The following ESRP2 variants were observed in gnomAD, a reference collection of about 807,000 sequenced individuals.
The protein encoded by ESRP2 is RNA binding motif protein 35A.
ESRP2 carries 48 observed loss-of-function variants against 78.6 expected under a neutral mutation model. That is an observed-to-expected ratio of 0.61 (90% CI 0.48 to 0.78). The LOEUF (loss-of-function observed/expected upper bound fraction) is 0.78. Ranked by LOEUF, ESRP2 falls within the 30% of genes least tolerant of loss-of-function variation. The pLI is 0.00. For missense variants in ESRP2, 863 were observed against 965.9 expected (o/e 0.89, Z 1.41); for synonymous variants, 383 against 406.7 (o/e 0.94, Z 0.70).
intron 5 of ESRP2, 35 bp downstream of exon 5, chr16:68,233,292 T>C: frequency 6.8e-7 from 1 of 1,468,130 alleles, no homozygotes; most frequent in Non-Finnish European, 9.6e-7. Context: ...TTGTCATCCC[T>C]GAGAACAGGT....
rs934245575 is a variant in ESRP2 at position 68,231,933 on chromosome 16, G to A, written c.1168C>T (p.Arg390Trp). The part of the protein sequence containing the change: ...GLLFVRHPDG[R>W]PTGDAFALFA... ...AGGGCGAAGGCATCACCAGTCGGCC[G>A]GCCATCAGGATGGCGCACAAAGAGC... Residue 390 changes from arginine (R) to tryptophan (W), a missense_variant, in exon 10 of 15, where the codon CGG becomes TGG. By Grantham distance (101) the Arg-to-Trp change is moderately radical. Transcript: ENST00000473183. The surrounding 1 kb of genome is among the most constrained non-coding windows in gnomAD (Gnocchi z 6.0). 3 of 1,614,026 alleles carry A rather than the reference G, an allele frequency of 1.9e-6. No homozygotes were observed. Among genetic ancestry groups the A allele is most frequent in the East Asian group, 2.2e-5 (1 of 44,872 alleles).
rs773515948 is a variant in ESRP2 at position 68,231,426 on chromosome 16, C to A, written c.1513-50G>T. ...TTTGTCATGTGTAAGAGTGCCTTAC[C>A]CCTAACACACACCCCTTCCTATTTA... On this transcript the variant is annotated intron_variant, in intron 11 of 14. Coordinates refer to ENST00000473183, the MANE Select transcript of ESRP2 (RefSeq NM_024939.3). This position sits in a 1 kb window ranked among gnomAD's most constrained non-coding sequence, Gnocchi z 6.0. 73 of 1,613,360 alleles carry A rather than the reference C, an allele frequency of 4.5e-5. No homozygotes were observed. Among genetic ancestry groups the A allele is most frequent in the Non-Finnish European group, 6.2e-5 (73 of 1,179,532 alleles).
Position 68,232,114 on chromosome 16 carries a change from G to A in ESRP2, c.998-11C>T. The A allele has an allele frequency of 6.2e-7, 1 of 1,610,826 alleles. No individual in the cohort carries two copies. Among genetic ancestry groups the A allele is most frequent in the Admixed American group, 1.7e-5 (1 of 59,866 alleles). The stretch of plus-strand genomic sequence containing the variant: ...CCTCTAGTGATGTGCCTGTGTATGA[G>A]AGTCGCCTGCTGACTTCACTCATGC... On this transcript the variant is annotated splice_polypyrimidine_tract_variant and intron_variant, in intron 9 of 14. Transcript: ENST00000473183. The surrounding 1 kb of genome is among the most constrained non-coding windows in gnomAD (Gnocchi z 5.2).
chr16:68,232,151 C>G lies in ESRP2; in HGVS notation c.998-48G>C, dbSNP rs1294466025. On this transcript the variant is annotated intron_variant, in intron 9 of 14. Coordinates refer to ENST00000473183, the MANE Select transcript of ESRP2 (RefSeq NM_024939.3). The surrounding 1 kb of genome is among the most constrained non-coding windows in gnomAD (Gnocchi z 5.2). ...GACTTCACTCATGCTCCTCCAGACA[C>G]TCACCCATGCAGGGGAGCAGGCAGG... 1 of 1,611,890 alleles carries G rather than the reference C, an allele frequency of 6.2e-7. No individual in the cohort carries two copies. Among genetic ancestry groups the G allele is most frequent in the South Asian group, 1.1e-5 (1 of 90,852 alleles).
intron 13 of ESRP2, 50 bp from the exon 14 acceptor site, chr16:68,230,604 AC>A: frequency 1.3e-6 from 2 of 1,519,164 alleles, no homozygotes; most frequent in South Asian, 2.6e-5. Flanking sequence ...TGTGGCCTAG[AC>A]CGAGACCTGT....
In ESRP2 at chr16:68,235,242, G is replaced by A; in HGVS notation, c.327+392C>T. The A allele has an allele frequency of 1.0e-6, 1 of 985,384 alleles. No homozygotes were observed. The highest frequency in any genetic ancestry group is 4.7e-5 in the South Asian group (1 of 21,286). 61.0% of individuals were successfully genotyped at this position (985,384 alleles called of 1,614,324 possible). A position where few individuals can be genotyped will look rare whatever the true frequency, so the allele number is the denominator to read the frequency against. ...CAGCTCCCAAGCAGGCCGAAGACGCGGGCCGCAAGGACAGGTGACCTATAT... is the reference window on the plus strand; with the variant it reads ...CAGCTCCCAAGCAGGCCGAAGACGCAGGCCGCAAGGACAGGTGACCTATAT... On this transcript the variant is annotated intron_variant, in intron 2 of 14. Transcript: ENST00000473183. This position sits in a 1 kb window ranked among gnomAD's most constrained non-coding sequence, Gnocchi z 5.5.
At position 68,232,507 on chromosome 16, in the gene ESRP2, T is replaced by G; in HGVS notation, c.822-4A>C. On this transcript the variant is annotated splice_polypyrimidine_tract_variant and splice_region_variant and intron_variant, in intron 7 of 14. Transcript: ENST00000473183. The surrounding 1 kb of genome is among the most constrained non-coding windows in gnomAD (Gnocchi z 5.2). ...GAGGCAGAGTGCTACACCACCCCTGTGGAGCCAGTGCTGTTAGTGCCTCCT... is the reference window on the plus strand; with the variant it reads ...GAGGCAGAGTGCTACACCACCCCTGGGGAGCCAGTGCTGTTAGTGCCTCCT... 6.2e-7 allele frequency: 1 copy of G among 1,614,136 alleles called. No homozygotes were observed. The highest frequency in any genetic ancestry group is 8.5e-7 in the Non-Finnish European group (1 of 1,180,000).
chr16:68,230,229 C>G lies in ESRP2; in HGVS notation c.2151G>C (p.Leu717Phe). ...TCTTACCTCCTGGCTTTCTCTCCTA[C>G]AAACACACCCATTCCTTGGGGGCTT... ...VLQAPKEWVC[L>F] The change falls in exon 15 of 15, where the codon TTG (leucine) becomes TTC (phenylalanine). Residue 717 changes from leucine (L) to phenylalanine (F), a missense_variant. Leu to Phe is a conservative substitution (Grantham distance 22). Coordinates refer to ENST00000473183, the MANE Select transcript of ESRP2 (RefSeq NM_024939.3). 6.2e-7 allele frequency: 1 copy of G among 1,614,148 alleles called. No homozygotes were observed. The highest frequency in any genetic ancestry group is 1.3e-5 in the African/African-American group (1 of 75,046).
At chr16:68,233,252 A>G in intron 5 of ESRP2, 75 bp downstream of exon 5, 1 of 1,016,666 alleles carries the variant, frequency 9.8e-7, no homozygotes, top group Non-Finnish European at 1.6e-6. Flanking sequence ...TCTCTTAGAG[A>G]AGGTCACAGT....
intron 13 of ESRP2, 55 bp downstream of exon 13, chr16:68,230,786 T>C (rs1330333814): frequency 1.2e-6 from 2 of 1,602,594 alleles, no homozygotes; most frequent in African/African-American, 2.7e-5. Context: ...ATCGTGACCT[T>C]TCCCCAGATT....
chr16:68,231,605 C>G lies in ESRP2; in HGVS notation c.1389G>C (p.Gly463=). Residue 463 remains glycine, a synonymous_variant, in exon 11 of 15, where the codon GGG becomes GGC. Transcript: ENST00000473183. This position sits in a 1 kb window ranked among gnomAD's most constrained non-coding sequence, Gnocchi z 6.0. ...PIPFPLAPGT[G]RDCVRLRGLP... is the part of the protein sequence containing the mutation. ...GGCCTCGGAGGCGTACACAGTCCCT[C>G]CCAGTCCCAGGTGCCAGTGGGAAGG... 6.2e-7 allele frequency: 1 copy of G among 1,614,072 alleles called. No homozygotes were observed. Among genetic ancestry groups the G allele is most frequent in the African/African-American group, 1.3e-5 (1 of 75,018 alleles).
In ESRP2 at chr16:68,235,634, C is replaced by G. The variant is rs766420891; in HGVS notation, c.327G>C (p.Gln109His). ...TGCCGCCACCCACCCCGGCGCTCAC[C>G]TGCTGCAGCACCTTGTCCAGCGGCT... ...RAEPLDKVLQQFSQLVNGDVA... is the reference protein window; with the variant it reads ...RAEPLDKVLQHFSQLVNGDVA... Residue 109 changes from glutamine (Q) to histidine (H), a missense_variant and splice_region_variant, in exon 2 of 15, where the codon CAG (glutamine) becomes CAC (histidine). Coordinates refer to ENST00000473183, the MANE Select transcript of ESRP2 (RefSeq NM_024939.3). The surrounding 1 kb of genome is among the most constrained non-coding windows in gnomAD (Gnocchi z 5.5). 1 of 1,597,388 alleles carries G rather than the reference C, an allele frequency of 6.3e-7. No homozygotes were observed. Among genetic ancestry groups the G allele is most frequent in the South Asian group, 1.1e-5 (1 of 90,942 alleles).
At position 68,232,753 on chromosome 16, in the gene ESRP2, A is replaced by G. The variant is rs2042163336; in HGVS notation, c.710+8T>C. 2.5e-6 allele frequency: 4 copies of G among 1,614,254 alleles called. No homozygotes were observed. Among genetic ancestry groups the G allele is most frequent in the Non-Finnish European group, 3.4e-6 (4 of 1,180,042 alleles). On this transcript the variant is annotated splice_region_variant and intron_variant, in intron 6 of 14. Coordinates refer to ENST00000473183, the MANE Select transcript of ESRP2 (RefSeq NM_024939.3). This position sits in a 1 kb window ranked among gnomAD's most constrained non-coding sequence, Gnocchi z 5.2. ...GTTGTCACCCCCAGCCCCTGCTCCC[A>G]CACTCACCAAGGCCCCGTCTCGTAT...
rs929536409 is a variant in ESRP2 at position 68,235,116 on chromosome 16, C to A, written c.327+518G>T. 1.0e-6 allele frequency: 1 copy of A among 990,196 alleles called. No individual in the cohort carries two copies. The highest frequency in any genetic ancestry group is 1.2e-6 in the Non-Finnish European group (1 of 832,820). The allele number at this position is 990,196 out of a possible 1,614,324, so 61.3% of individuals were successfully genotyped here. ...AGTCCCCCAGGCCAGGCCGGGACAG[C>A]GCCCACGCCTGGCCAGCCGGCCGGG... On this transcript the variant is annotated intron_variant, in intron 2 of 14. Transcript: ENST00000473183. The surrounding 1 kb of genome is among the most constrained non-coding windows in gnomAD (Gnocchi z 5.5).
Position 68,232,785 on chromosome 16 carries a change from T to C in ESRP2, c.686A>G (p.Lys229Arg), listed in dbSNP as rs2042163932. 1 of 1,614,140 alleles carries C rather than the reference T, an allele frequency of 6.2e-7. No homozygotes were observed. Among genetic ancestry groups the C allele is most frequent in the African/African-American group, 1.3e-5 (1 of 74,942 alleles). Reference protein sequence around the residue: ...SQLFSKPEVIKQKYETGPCSK... With the variant: ...SQLFSKPEVIRQKYETGPCSK... ...CCAAGGCCCCGTCTCGTATTTCTGC[T>C]TTATCACCTCGGGCTTCGAAAACAA... The change falls in exon 6 of 15, where the codon AAG becomes AGG. Residue 229 changes from lysine (K) to arginine (R), a missense_variant. By Grantham distance (26) the Lys-to-Arg change is conservative. Transcript: ENST00000473183. The surrounding 1 kb of genome is among the most constrained non-coding windows in gnomAD (Gnocchi z 5.2).
rs779280493 is a variant in ESRP2 at position 68,231,059 on chromosome 16, G to A, written c.1712-32C>T. 17 of 1,591,002 alleles carry A rather than the reference G, an allele frequency of 1.1e-5. No individual in the cohort carries two copies. Among genetic ancestry groups the A allele is most frequent in the East Asian group, 6.7e-5 (3 of 44,664 alleles). ...ACGGAAGTAGAAAGTGCATGTGCAC[G>A]GAGCCCAGCACTGCCCTGGGTGGGG... On this transcript the variant is annotated intron_variant, in intron 12 of 14. Coordinates refer to ENST00000473183, the MANE Select transcript of ESRP2 (RefSeq NM_024939.3). This position sits in a 1 kb window ranked among gnomAD's most constrained non-coding sequence, Gnocchi z 6.0.
rs777188251 is a variant in ESRP2, at chr16:68,233,892, C to T, written c.442-10G>A. 3.1e-6 allele frequency: 5 copies of T among 1,612,174 alleles called. No homozygotes were observed. The highest frequency in any genetic ancestry group is 2.2e-5 in the East Asian group (1 of 44,866). ...CGGGGAGCACCAGGTTCTGGGGGCACATAGGATTGAGGATGAGCGCCCTGC... is the reference window on the plus strand; with the variant it reads ...CGGGGAGCACCAGGTTCTGGGGGCATATAGGATTGAGGATGAGCGCCCTGC... On this transcript the variant is annotated splice_polypyrimidine_tract_variant and intron_variant, in intron 3 of 14. Transcript: ENST00000473183.
At position 68,234,131 on chromosome 16, in the gene ESRP2, A is replaced by T. The variant is rs758235984; in HGVS notation, c.328-24T>A. 7.1e-6 allele frequency: 11 copies of T among 1,543,758 alleles called. No individual in the cohort carries two copies. In the African/African-American group the frequency reaches 1.1e-4, roughly 15 times the overall value. ...AACTGGGGATAGGGAATGGGGAGAG[A>T]GAAACACACAGATTCACAGCTGGGC... On this transcript the variant is annotated intron_variant, in intron 2 of 14. Transcript: ENST00000473183.
intron 5 of ESRP2, chr16:68,233,024 C>G: frequency 1.5e-6 from 1 of 648,082 alleles, no homozygotes; most frequent in Non-Finnish European, 2.6e-6. Flanking sequence ...CATGGTGAAA[C>G]CCCATCTCTA....
Sources: allele counts gnomAD v4.1 joint callset, GRCh38; gene constraint gnomAD v4.1.1; non-coding constraint Gnocchi (gnomAD v3.1); transcripts MANE v1.5; gene names NCBI Gene and HGNC (gene_info 2026-07-23, HGNC 2026-07-21).